Variants in SORCS2 observed in about 807,000 individuals in gnomAD.
SORCS2 encodes the protein VPS10 domain-containing receptor SorCS2.
SORCS2 carries 100 observed loss-of-function variants against 141.6 expected under a neutral mutation model. That is an observed-to-expected ratio of 0.71 (90% confidence interval 0.60 to 0.83). The LOEUF (loss-of-function observed/expected upper bound fraction) is 0.83, where lower values mean the gene tolerates loss of function less well. Among genes scored for constraint, SORCS2 ranks in the 40% least tolerant of loss-of-function variants. The pLI is 0.00. For synonymous variants in SORCS2, 789 were observed against 676.9 expected (o/e 1.17, Z -2.57); for missense variants, 1,646 against 1,560.2 (o/e 1.05, Z -0.93).
intron 3 of SORCS2, among the ~76,000 whole-genome samples, chr4:7,621,794 G>A (rs1719211724): frequency 1.3e-5 from 2 of 152,340 alleles, no homozygotes; most frequent in South Asian, 4.1e-4. Flanking sequence ...CTCTGTCTGA[G>A]ACAGGCGACC....
At chr4:7,626,147 AAAAT>A (rs1173661208) in intron 3 of SORCS2, among the ~76,000 whole-genome samples, 1 of 152,044 alleles carries the variant, frequency 6.6e-6, no homozygotes, top group African/African-American at 2.4e-5. Flanking sequence ...ACCCTGTCTC[AAAAT>A]AAATAAATAA....
rs1210463294 is a variant in SORCS2, at chr4:7,276,962, G to T, written c.480+83836G>T. Among the ~76,000 whole-genome samples the T allele has an allele frequency of 2.0e-5, 3 of 152,292 alleles. No individual in the cohort carries two copies. The East Asian group carries it at 5.8e-4, about 30-fold the overall frequency. On this transcript the variant is annotated intron_variant, in intron 1 of 26. Coordinates refer to ENST00000507866, the MANE Select transcript of SORCS2 (RefSeq NM_020777.3). ...TGTGGCTCTGAATCTCATGACCAGT[G>T]GGCCGTTCTGTCCACACTAGAGTGA...
intron 1 of SORCS2, among the ~76,000 whole-genome samples, chr4:7,372,934 T>C (rs928772669): frequency 3.3e-5 from 5 of 151,940 alleles, no homozygotes; most frequent in Non-Finnish European, 5.9e-5. Flanking sequence ...TGCAACGCAG[T>C]CTTCCATCGT....
intron 3 of SORCS2, among the ~76,000 whole-genome samples, chr4:7,589,644 G>T (rs1716780049): frequency 6.6e-6 from 1 of 152,118 alleles, no homozygotes; most frequent in Non-Finnish European, 1.5e-5. Context: ...CTCATGATCT[G>T]CCCACCTCAG....
chr4:7,288,138 TTAA>T (rs1209022274), intron 1 of SORCS2, among the ~76,000 whole-genome samples: 1 of 152,176 alleles, frequency 6.6e-6, no homozygotes, highest in African/African-American at 2.4e-5. Context: ...GCTCGGCTGC[TTAA>T]TGAAGGAGTT....
At position 7,713,890 on chromosome 4, in the gene SORCS2, C is replaced by T. The variant is rs183157969; in HGVS notation, c.1990-350C>T. 6.7e-4 allele frequency among the ~76,000 whole-genome samples: 102 copies of T among 152,292 alleles called. No individual in the cohort carries two copies. The East Asian group carries it at 0.016, about 24-fold the overall frequency. ...TTGTCCTGATTGTCCCCTGAGGACC[C>T]ACTGTGTGCCTGTGAGCCCTCGAGG... On this transcript the variant is annotated intron_variant, in intron 15 of 26. Coordinates refer to ENST00000507866, the MANE Select transcript of SORCS2 (RefSeq NM_020777.3).
At chr4:7,303,798 TCGGCGC>T (rs1247270489) in intron 1 of SORCS2, among the ~76,000 whole-genome samples, 14 of 152,362 alleles carry the variant, frequency 9.2e-5, no homozygotes, top group African/African-American at 2.9e-4. Context: ...GACGCAGACC[TCGGCGC>T]GTCTCTGTCC....
At chr4:7,430,971 C>T (rs997722325) in intron 2 of SORCS2, 1 of 152,392 alleles carries the variant, frequency 6.6e-6, no homozygotes. Context: ...CAGCCACTCC[C>T]CACGAGCACT....
chr4:7,606,123 C>A (rs953314114), intron 3 of SORCS2, among the ~76,000 whole-genome samples: 1 of 152,110 alleles, frequency 6.6e-6, no homozygotes, highest in Non-Finnish European at 1.5e-5. Flanking sequence ...ATGAACCACC[C>A]CTTCTTGATA....
intron 2 of SORCS2, among the ~76,000 whole-genome samples, chr4:7,418,263 C>T (rs1019270350): frequency 6.6e-6 from 1 of 152,186 alleles, no homozygotes; most frequent in Non-Finnish European, 1.5e-5. Context: ...GCAGACAAGT[C>T]ACTGGGTGAT....
chr4:7,532,081 G>T (rs1035637299), intron 3 of SORCS2, among the ~76,000 whole-genome samples: 11 of 152,190 alleles, frequency 7.2e-5, no homozygotes, highest in Admixed American at 6.5e-4. Flanking sequence ...TCCTGGGTCT[G>T]GGGGAACTTC....
intron 2 of SORCS2, among the ~76,000 whole-genome samples, chr4:7,414,396 A>G (rs1012452449): frequency 6.6e-6 from 1 of 152,230 alleles, no homozygotes; most frequent in Non-Finnish European, 1.5e-5. Context: ...AGGGAAGGGC[A>G]AGTGGAACAG....
intron 3 of SORCS2, among the ~76,000 whole-genome samples, chr4:7,535,567 A>G (rs913946181): frequency 6.6e-6 from 1 of 152,206 alleles, no homozygotes; most frequent in Non-Finnish European, 1.5e-5. Flanking sequence ...GGAATTAATG[A>G]GGTGCTCCTT....
intron 1 of SORCS2, among the ~76,000 whole-genome samples, chr4:7,372,265 G>C (rs991496926): frequency 1.3e-5 from 2 of 152,166 alleles, no homozygotes; most frequent in Non-Finnish European, 2.9e-5. Context: ...TTTAAAGTTA[G>C]GTTTATGGAG....
intron 2 of SORCS2, among the ~76,000 whole-genome samples, chr4:7,422,357 T>TG (rs1726134658): frequency 1.3e-5 from 2 of 152,200 alleles, no homozygotes; most frequent in Admixed American, 6.5e-5. Flanking sequence ...CTCTAGGTCC[T>TG]GGATGCCCTG....
intron 5 of SORCS2, among the ~76,000 whole-genome samples, chr4:7,654,901 C>A (rs1449788279): frequency 1.3e-5 from 2 of 152,204 alleles, no homozygotes; most frequent in Non-Finnish European, 2.9e-5. Flanking sequence ...ACCAGCCACT[C>A]GAGTGCATCC....
At chr4:7,492,869 C>T (rs1344641833) in intron 2 of SORCS2, among the ~76,000 whole-genome samples, 6 of 152,254 alleles carry the variant, frequency 3.9e-5, no homozygotes, top group Non-Finnish European at 7.3e-5. Flanking sequence ...GACCCCAGGG[C>T]AGGCCCGGAC....
At chr4:7,237,480 G>GT (rs1484120703) in intron 1 of SORCS2, among the ~76,000 whole-genome samples, 1 of 152,154 alleles carries the variant, frequency 6.6e-6, no homozygotes, top group Non-Finnish European at 1.5e-5. Flanking sequence ...CAGCCAGGGA[G>GT]TGAACCCTGG....
chr4:7,547,229 C>G (rs990520484), intron 3 of SORCS2, among the ~76,000 whole-genome samples: 2 of 152,184 alleles, frequency 1.3e-5, no homozygotes, highest in Admixed American at 6.5e-5. Flanking sequence ...GGGCCTGTCT[C>G]CATTTCCTCA....
Sources: gnomAD v4.1 joint callset for allele counts (sites outside exome capture counted in the v4.1 genomes callset) on GRCh38, gnomAD v4.1.1 for gene constraint, MANE v1.5 for transcripts, NCBI Gene and HGNC (gene_info 2026-07-23, HGNC 2026-07-21) for gene names.